Variants in BABAM2 observed in about 807,000 individuals in gnomAD.
BABAM2 encodes the protein BRISC and BRCA1-A complex member 2.
BABAM2 carries 31 observed loss-of-function variants against 54.7 expected under a neutral mutation model. That is an observed-to-expected ratio of 0.57 (90% CI 0.43 to 0.77). BABAM2 has a LOEUF of 0.77. BABAM2 is among the 30% of genes least tolerant of loss of function. BABAM2 has a pLI of 0.00. For synonymous variants in BABAM2, 167 were observed against 162.9 expected (o/e 1.03, Z -0.19); for missense variants, 364 against 455.8 (o/e 0.80, Z 1.83).
At chr2:28,192,426 C>G (rs574321953) in intron 7 of BABAM2, among the ~76,000 whole-genome samples, 22 of 141,362 alleles carry the variant, frequency 1.6e-4, no homozygotes, top group African/African-American at 5.5e-4. Context: ...GCACATGTAC[C>G]CTGGAACTTA....
chr2:28,181,003 T>A (rs1295247731), intron 7 of BABAM2, among the ~76,000 whole-genome samples: 1 of 152,174 alleles, frequency 6.6e-6, no homozygotes, highest in Non-Finnish European at 1.5e-5. Flanking sequence ...CCTTATGCAC[T>A]GTCAGTAGGA....
intron 3 of BABAM2, among the ~76,000 whole-genome samples, chr2:27,975,057 G>A (rs928710196): frequency 6.6e-6 from 1 of 151,960 alleles, no homozygotes; most frequent in African/African-American, 2.4e-5. Flanking sequence ...TGTAGATAAA[G>A]GAATTGAAGA....
At chr2:27,977,249 A>G (rs1045950741) in intron 3 of BABAM2, among the ~76,000 whole-genome samples, 19 of 152,144 alleles carry the variant, frequency 1.2e-4, no homozygotes, top group Non-Finnish European at 2.6e-4. Flanking sequence ...TATTGCACCC[A>G]AGATTGTTTA....
At chr2:27,953,847 G>A (rs931548165) in intron 3 of BABAM2, among the ~76,000 whole-genome samples, 9 of 152,038 alleles carry the variant, frequency 5.9e-5, no homozygotes, top group Admixed American at 3.9e-4. Flanking sequence ...TGCAGATGTG[G>A]GATTTCAGAT....
chr2:28,073,461 G>A (rs1189297617), intron 6 of BABAM2, among the ~76,000 whole-genome samples: 1 of 152,152 alleles, frequency 6.6e-6, no homozygotes, highest in East Asian at 1.9e-4. Flanking sequence ...TCTTGCCAGT[G>A]CACTCCAGCC....
chr2:27,980,418 A>G (rs1310046831), intron 3 of BABAM2, among the ~76,000 whole-genome samples: 1 of 152,196 alleles, frequency 6.6e-6, no homozygotes, highest in African/African-American at 2.4e-5. Flanking sequence ...TACTTCCTGT[A>G]TAACTCCCCA....
chr2:28,004,636 G>A (rs1030673095), intron 4 of BABAM2, among the ~76,000 whole-genome samples: 2 of 151,620 alleles, frequency 1.3e-5, no homozygotes, highest in Non-Finnish European at 2.9e-5. Context: ...AAATTAATTT[G>A]CACAAACACT....
At chr2:27,903,594 A>T (rs1314113275) in intron 2 of BABAM2, among the ~76,000 whole-genome samples, 1 of 152,146 alleles carries the variant, frequency 6.6e-6, no homozygotes, top group Non-Finnish European at 1.5e-5. Flanking sequence ...TCATTAGGGG[A>T]TATGTTCCAA....
chr2:28,148,877 C>T (rs1305778605), intron 7 of BABAM2, among the ~76,000 whole-genome samples: 1 of 152,158 alleles, frequency 6.6e-6, no homozygotes, highest in East Asian at 1.9e-4. Context: ...CTTTGTTCCT[C>T]GTGTTCTCAA....
intron 5 of BABAM2, among the ~76,000 whole-genome samples, chr2:28,038,949 G>A (rs1676870236): frequency 6.6e-6 from 1 of 152,172 alleles, no homozygotes; most frequent in Admixed American, 6.5e-5. Context: ...AGTTCTATGA[G>A]AAATCTTCAA....
chr2:28,145,909 C>A (rs1438114883), intron 7 of BABAM2, among the ~76,000 whole-genome samples: 1 of 152,164 alleles, frequency 6.6e-6, no homozygotes, highest in Non-Finnish European at 1.5e-5. Flanking sequence ...TGTATCAATA[C>A]TTCATTCATT....
chr2:28,063,053 G>C (rs1679030782), intron 6 of BABAM2, among the ~76,000 whole-genome samples: 1 of 152,182 alleles, frequency 6.6e-6, no homozygotes, highest in Non-Finnish European at 1.5e-5. Flanking sequence ...GATTCTGCTA[G>C]GACTGTCTAG....
At chr2:27,976,850 C>T (rs575218689) in intron 3 of BABAM2, among the ~76,000 whole-genome samples, 11 of 152,134 alleles carry the variant, frequency 7.2e-5, no homozygotes, top group Admixed American at 5.9e-4. Flanking sequence ...ATTAGAAGTG[C>T]AAAGAAGGAT....
At chr2:28,048,864 T>G (rs1163840505) in intron 6 of BABAM2, among the ~76,000 whole-genome samples, 2 of 152,244 alleles carry the variant, frequency 1.3e-5, no homozygotes, top group Admixed American at 6.5e-5. Flanking sequence ...CATTAGATGC[T>G]GCTGCTCTTA....
At chr2:28,185,019 A>T (rs1446451769) in intron 7 of BABAM2, among the ~76,000 whole-genome samples, 1 of 152,162 alleles carries the variant, frequency 6.6e-6, no homozygotes, top group Non-Finnish European at 1.5e-5. Flanking sequence ...TGTTACTCTC[A>T]CAAGTTTACT....
intron 5 of BABAM2, among the ~76,000 whole-genome samples, chr2:28,027,180 A>G (rs1302656861): frequency 6.6e-6 from 1 of 150,758 alleles, no homozygotes; most frequent in African/African-American, 2.4e-5. Context: ...TCTCCTGCCC[A>G]AGGGTCTTTG....
At chr2:28,321,341 A>G (rs911583819) in intron 11 of BABAM2, among the ~76,000 whole-genome samples, 1 of 152,122 alleles carries the variant, frequency 6.6e-6, no homozygotes, top group African/African-American at 2.4e-5. Context: ...TGTTCTTCCC[A>G]CTTAATCAGA....
chr2:28,150,229 A>G (rs1168120052), intron 7 of BABAM2, among the ~76,000 whole-genome samples: 3 of 152,234 alleles, frequency 2.0e-5, no homozygotes, highest in African/African-American at 4.8e-5. Flanking sequence ...TCTGTAGTTC[A>G]GACAAGCTAC....
intron 6 of BABAM2, among the ~76,000 whole-genome samples, chr2:28,102,040 A>G (rs1667127394): frequency 6.6e-6 from 1 of 152,150 alleles, no homozygotes; most frequent in South Asian, 2.1e-4. Flanking sequence ...GATAACTCCT[A>G]TAGTGTTTTG....
Sources: allele counts gnomAD v4.1 joint callset (sites outside exome capture counted in the v4.1 genomes callset), GRCh38; gene constraint gnomAD v4.1.1; transcripts MANE v1.5; gene names NCBI Gene and HGNC (gene_info 2026-07-23, HGNC 2026-07-21).